Variants in SNX29 observed in about 807,000 individuals in gnomAD.
SNX29 encodes the protein sorting nexin 29.
SNX29 carries 78 observed loss-of-function variants against 102.1 expected under a neutral mutation model. The ratio of observed to expected loss-of-function variants is 0.76; its 90% CI spans 0.64 to 0.92. SNX29 has a LOEUF of 0.92. Ranked by LOEUF, SNX29 falls within the 40% of genes least tolerant of loss-of-function variation. SNX29 has a pLI of 0.00. For missense variants in SNX29, 1,280 were observed against 1,061.7 expected (o/e 1.21, Z -2.86); for synonymous variants, 580 against 414.5 (o/e 1.40, Z -4.85).
At chr16:12,321,132 T>C (rs1193561512) in intron 15 of SNX29, among the ~76,000 whole-genome samples, 1 of 151,978 alleles carries the variant, frequency 6.6e-6, no homozygotes, top group Non-Finnish European at 1.5e-5. Flanking sequence ...ACTTCCAGAG[T>C]GTCCCTTCTG....
At chr16:12,447,408 C>T (rs924029152) in intron 18 of SNX29, among the ~76,000 whole-genome samples, 5 of 152,000 alleles carry the variant, frequency 3.3e-5, no homozygotes, top group Non-Finnish European at 7.4e-5. Context: ...TCCTGGTGTC[C>T]AGCCTAATCC....
chr16:12,138,601 A>G (rs1326916314), intron 13 of SNX29, among the ~76,000 whole-genome samples: 1 of 114,686 alleles, frequency 8.7e-6, no homozygotes, highest in Non-Finnish European at 2.1e-5. Context: ...GTAAAATAAA[A>G]CAAAACTTTG....
chr16:12,457,354 C>G (rs2086584001), intron 18 of SNX29, among the ~76,000 whole-genome samples: 1 of 152,172 alleles, frequency 6.6e-6, no homozygotes, highest in Non-Finnish European at 1.5e-5. Flanking sequence ...TTAATTGAGG[C>G]AGCAGTTCCC....
intron 11 of SNX29, among the ~76,000 whole-genome samples, chr16:12,116,078 A>G (rs533297540): frequency 1.3e-5 from 2 of 152,302 alleles, no homozygotes; most frequent in South Asian, 2.1e-4. Flanking sequence ...CTAATTTCCA[A>G]ACTCTCCTGT....
At chr16:11,981,490 C>T (rs1405054740) in intron 1 of SNX29, among the ~76,000 whole-genome samples, 1 of 152,124 alleles carries the variant, frequency 6.6e-6, no homozygotes, top group Non-Finnish European at 1.5e-5. Flanking sequence ...TTCCCCCTTG[C>T]ATTTGTTGTT....
intron 13 of SNX29, among the ~76,000 whole-genome samples, chr16:12,162,089 T>A (rs1198843995): frequency 1.3e-5 from 2 of 152,170 alleles, no homozygotes; most frequent in Non-Finnish European, 2.9e-5. Context: ...TGGTGCCATG[T>A]ACTTACTTCC....
intron 14 of SNX29, among the ~76,000 whole-genome samples, chr16:12,240,164 T>C (rs1185648002): frequency 6.6e-6 from 1 of 152,262 alleles, no homozygotes. Flanking sequence ...TTGTTGTTAT[T>C]ACTGCCATGG....
At chr16:12,144,145 G>C (rs908367832) in intron 13 of SNX29, among the ~76,000 whole-genome samples, 1 of 152,092 alleles carries the variant, frequency 6.6e-6, no homozygotes, top group Non-Finnish European at 1.5e-5. Flanking sequence ...AAGTAGCAAG[G>C]ACTTAAGAGA....
chr16:12,550,701 C>T (rs146750943), intron 20 of SNX29, among the ~76,000 whole-genome samples: 4 of 152,134 alleles, frequency 2.6e-5, no homozygotes, highest in African/African-American at 9.7e-5. Flanking sequence ...ATTCACCCCC[C>T]TCATGCTCTT....
chr16:12,053,444 C>T (rs538850309), intron 8 of SNX29, among the ~76,000 whole-genome samples: 29 of 152,042 alleles, frequency 1.9e-4, no homozygotes, highest in Admixed American at 7.2e-4. Context: ...CCTGTAATCC[C>T]GGCACTTTGG....
At chr16:12,052,769 A>G (rs1050825075) in intron 8 of SNX29, 1 of 163,276 alleles carries the variant, frequency 6.1e-6, no homozygotes, top group African/African-American at 2.4e-5. Context: ...TGCTTTATAC[A>G]TACATCTGTC....
intron 15 of SNX29, among the ~76,000 whole-genome samples, chr16:12,287,988 A>C (rs2151049857): frequency 6.6e-6 from 1 of 152,320 alleles, no homozygotes; most frequent in South Asian, 2.1e-4. Flanking sequence ...TATTGATGTC[A>C]CAGCCTGGGC....
At chr16:12,156,799 A>G (rs2055570676) in intron 13 of SNX29, among the ~76,000 whole-genome samples, 1 of 152,198 alleles carries the variant, frequency 6.6e-6, no homozygotes, top group African/African-American at 2.4e-5. Context: ...ATGGGAGTGC[A>G]GGAGCCCAGG....
At chr16:12,210,773 C>T (rs983773743) in intron 14 of SNX29, among the ~76,000 whole-genome samples, 5 of 152,016 alleles carry the variant, frequency 3.3e-5, no homozygotes, top group Non-Finnish European at 5.9e-5. Flanking sequence ...CCCCTATCTC[C>T]TCCCCTCCTC....
At chr16:12,568,304 T>TAAAAAAAAAAA (rs34750195) in intron 20 of SNX29, among the ~76,000 whole-genome samples, 4 of 146,338 alleles carry the variant, frequency 2.7e-5, no homozygotes, top group East Asian at 4.1e-4. Flanking sequence ...GGAGTGCTGT[T>TAAAAAAAAAAA]AAAAAAAAAA....
chr16:12,201,381 C>T (rs1186622159), intron 14 of SNX29, among the ~76,000 whole-genome samples: 1 of 152,196 alleles, frequency 6.6e-6, no homozygotes, highest in Non-Finnish European at 1.5e-5. Flanking sequence ...TTGTCTAGCC[C>T]TTTACAGCCT....
At chr16:12,211,718 G>A (rs1193615337) in intron 14 of SNX29, among the ~76,000 whole-genome samples, 1 of 152,134 alleles carries the variant, frequency 6.6e-6, no homozygotes, top group Non-Finnish European at 1.5e-5. Flanking sequence ...AAGTCCAAAG[G>A]CCGTCTGGGG....
At chr16:12,557,627 G>A (rs981396927) in intron 20 of SNX29, 4 of 152,194 alleles carry the variant, frequency 2.6e-5, no homozygotes, top group African/African-American at 9.7e-5. Flanking sequence ...ATCCCAGAAT[G>A]CTGGGATTGC....
chr16:12,159,349 T>A (rs2055684928), intron 13 of SNX29, among the ~76,000 whole-genome samples: 1 of 152,190 alleles, frequency 6.6e-6, no homozygotes, highest in South Asian at 2.1e-4. Flanking sequence ...AAGAACTAAT[T>A]CCCAGTAACT....
Sources: allele counts gnomAD v4.1 joint callset (sites outside exome capture counted in the v4.1 genomes callset), GRCh38; gene constraint gnomAD v4.1.1; transcripts MANE v1.5; gene names NCBI Gene and HGNC (gene_info 2026-07-23, HGNC 2026-07-21).